MAML2: variants seen among roughly 807,000 people sequenced by gnomAD.
MAML2 encodes the protein mastermind-like protein 2.
MAML2 carries 22 observed loss-of-function variants against 96.1 expected under a neutral mutation model. The ratio of observed to expected loss-of-function variants is 0.23; its 90% CI spans 0.16 to 0.33. The LOEUF is 0.33. Ranked by LOEUF, MAML2 falls within the 10% of genes least tolerant of loss-of-function variation. The pLI, the probability that MAML2 is intolerant of heterozygous loss-of-function variation, is 1.00. For missense variants in MAML2, 1,367 were observed against 1,392.4 expected, an observed-to-expected ratio of 0.98 and a Z score of 0.29; for synonymous variants, 561 against 521.3, an observed-to-expected ratio of 1.08 and a Z score of -1.04.
chr11:96,113,179 A>AG (rs1860161650), intron 1 of MAML2, among the ~76,000 whole-genome samples: 3 of 35,870 alleles, frequency 8.4e-5, no homozygotes, highest in Admixed American at 4.1e-4. Flanking sequence ...AGACAAAAAA[A>AG]AAAAAAAAAA....
chr11:96,102,567 G>A (rs1565215344), intron 1 of MAML2, among the ~76,000 whole-genome samples: 1 of 152,124 alleles, frequency 6.6e-6, no homozygotes. Flanking sequence ...TAGTGGCAGT[G>A]TAAACAAAAC....
intron 1 of MAML2, among the ~76,000 whole-genome samples, chr11:96,272,380 G>A (rs1299287699): frequency 6.6e-6 from 1 of 152,134 alleles, no homozygotes; most frequent in Non-Finnish European, 1.5e-5. Flanking sequence ...TCCAGGTTAA[G>A]GGCTTCTGTG....
At chr11:96,135,271 T>C (rs1860610357) in intron 1 of MAML2, among the ~76,000 whole-genome samples, 1 of 152,222 alleles carries the variant, frequency 6.6e-6, no homozygotes, top group Admixed American at 6.5e-5. Flanking sequence ...CCTTACAAGA[T>C]GCCAGCCCCT....
intron 2 of MAML2, among the ~76,000 whole-genome samples, chr11:96,032,731 G>C (rs1289411621): frequency 6.6e-6 from 1 of 151,996 alleles, no homozygotes; most frequent in African/African-American, 2.4e-5. Context: ...TTGAATTACT[G>C]ATATATTTAA....
intron 2 of MAML2, among the ~76,000 whole-genome samples, chr11:96,072,694 C>T (rs1859365543): frequency 6.6e-6 from 1 of 152,196 alleles, no homozygotes; most frequent in African/African-American, 2.4e-5. Context: ...AGACCTACCT[C>T]ATTTTAAGGA....
intron 2 of MAML2, among the ~76,000 whole-genome samples, chr11:96,063,947 T>G (rs10831477): frequency 0.16 from 24,224 of 152,186 alleles, 2,136 homozygotes; most frequent in East Asian, 0.23. Context: ...CCCTGTGTGA[T>G]TAGAAGTGAG....
intron 1 of MAML2, among the ~76,000 whole-genome samples, chr11:96,126,548 C>A (rs779895951): frequency 6.6e-6 from 1 of 152,036 alleles, no homozygotes; most frequent in East Asian, 1.9e-4. Context: ...GGCAACAGAG[C>A]GAGACTCCAT....
intron 2 of MAML2, among the ~76,000 whole-genome samples, chr11:96,019,640 T>C (rs1590964915): frequency 6.7e-6 from 1 of 149,414 alleles, no homozygotes. Flanking sequence ...TAATTTAAAT[T>C]CCCCATTTTA....
rs1341774738 is a variant in MAML2 at position 95,998,122 on chromosome 11, A to ATCTGTCTGTCTGTCAGTCTG, written c.2140-6400_2140-6399insCAGACTGACAGACAGACAGA. 2.9e-3 allele frequency among the ~76,000 whole-genome samples: 339 copies of ATCTGTCTGTCTGTCAGTCTG among 117,370 alleles called. 4 individuals are homozygous for ATCTGTCTGTCTGTCAGTCTG. Among genetic ancestry groups the ATCTGTCTGTCTGTCAGTCTG allele is most frequent in the African/African-American group, 8.6e-3 (280 of 32,636 alleles). The allele number at this position is 117,370 out of a possible 152,430, so 77.0% of individuals were successfully genotyped here. A position where few individuals can be genotyped will look rare whatever the true frequency, so the allele number is the denominator to read the frequency against. Reference sequence around the variant, plus strand: ...TACCCATTTATCCACTTTTCTATCTATCTGTCTGTCTGTCTGTCAGTCTGT... The same window carrying ATCTGTCTGTCTGTCAGTCTG: ...TACCCATTTATCCACTTTTCTATCTATCTGTCTGTCTGTCAGTCTGTCTGTCTGTCTGTCTGTCAGTCTGT... On this transcript the variant is annotated intron_variant, in intron 2 of 4. Transcript: ENST00000524717.
At chr11:96,197,072 A>C (rs537506821) in intron 1 of MAML2, among the ~76,000 whole-genome samples, 1 of 152,178 alleles carries the variant, frequency 6.6e-6, no homozygotes, top group Non-Finnish European at 1.5e-5. Context: ...GAAAAGGCAG[A>C]GATGGGTGGC....
intron 2 of MAML2, among the ~76,000 whole-genome samples, chr11:95,993,789 C>G (rs1193284954): frequency 6.6e-6 from 1 of 152,206 alleles, no homozygotes; most frequent in Non-Finnish European, 1.5e-5. Context: ...AGCTCACCAG[C>G]TGCCTCAAAA....
chr11:95,980,406 A>G (rs1301666053), intron 4 of MAML2, among the ~76,000 whole-genome samples: 2 of 152,148 alleles, frequency 1.3e-5, no homozygotes, highest in African/African-American at 2.4e-5. Flanking sequence ...CTCCTAGATT[A>G]ATATTCCCAA....
intron 1 of MAML2, among the ~76,000 whole-genome samples, chr11:96,318,102 C>T (rs186531488): frequency 6.6e-6 from 1 of 152,268 alleles, no homozygotes; most frequent in East Asian, 1.9e-4. Flanking sequence ...CTGATAGCAA[C>T]TTTTGGCAAT....
chr11:96,240,342 A>G (rs1303396525), intron 1 of MAML2, among the ~76,000 whole-genome samples: 1 of 151,964 alleles, frequency 6.6e-6, no homozygotes, highest in Non-Finnish European at 1.5e-5. Flanking sequence ...CGAGGTCAGG[A>G]GATCGAGACC....
At chr11:96,297,090 C>T (rs1341065558) in intron 1 of MAML2, among the ~76,000 whole-genome samples, 5 of 152,090 alleles carry the variant, frequency 3.3e-5, no homozygotes, top group Non-Finnish European at 5.9e-5. Flanking sequence ...CATCATTGAC[C>T]TCAATGACCA....
At chr11:96,049,547 A>G (rs1323871176) in intron 2 of MAML2, among the ~76,000 whole-genome samples, 3 of 152,212 alleles carry the variant, frequency 2.0e-5, no homozygotes, top group Non-Finnish European at 4.4e-5. Context: ...GATTTGGACT[A>G]ACACTAAACC....
intron 2 of MAML2, among the ~76,000 whole-genome samples, chr11:96,044,041 A>G (rs1858858281): frequency 6.6e-6 from 1 of 152,268 alleles, no homozygotes; most frequent in African/African-American, 2.4e-5. Flanking sequence ...ACACAAAGCC[A>G]GAGGGAAATC....
chr11:96,042,744 CTT>C (rs767509829), intron 2 of MAML2, among the ~76,000 whole-genome samples: 10 of 116,238 alleles, frequency 8.6e-5, no homozygotes, highest in Admixed American at 2.0e-4. Flanking sequence ...CGTTAACGTT[CTT>C]TTTTTTTTTT....
intron 1 of MAML2, among the ~76,000 whole-genome samples, chr11:96,177,343 G>A (rs7110244): frequency 0.34 from 51,059 of 152,134 alleles, 9,337 homozygotes; most frequent in Middle Eastern, 0.42. Context: ...CCTGGGAACT[G>A]AACTGCATCA....
Sources: gnomAD v4.1 joint callset for allele counts (sites outside exome capture counted in the v4.1 genomes callset) on GRCh38, gnomAD v4.1.1 for gene constraint, MANE v1.5 for transcripts, NCBI Gene and HGNC (gene_info 2026-07-23, HGNC 2026-07-21) for gene names.